Variants in GTF2H5 observed in about 807,000 individuals in gnomAD.
GTF2H5 encodes the protein TFB5 ortholog.
Under a neutral mutation model 7.1 loss-of-function variants are expected in GTF2H5, and 5 were observed. The ratio of observed to expected loss-of-function variants is 0.71; its 90% CI spans 0.37 to 1.49. The LOEUF is 1.49. Among genes scored for constraint, GTF2H5 ranks in the 40% most tolerant of loss-of-function variants. GTF2H5 has a pLI of 0.03. For synonymous variants in GTF2H5, 30 were observed against 31.7 expected, an observed-to-expected ratio of 0.95 and a Z score of 0.18; for missense variants, 80 against 83.0, an observed-to-expected ratio of 0.96 and a Z score of 0.14.
intron 2 of GTF2H5, among the ~76,000 whole-genome samples, chr6:158,176,800 T>C (rs1785940774): frequency 6.7e-6 from 1 of 149,864 alleles, no homozygotes; most frequent in South Asian, 2.1e-4. Flanking sequence ...GCATTGTTTC[T>C]ATAGATTATA....
In GTF2H5 at chr6:158,169,451, TATTA is replaced by T. The variant is rs1364544826; in HGVS notation, c.-34-1018_-34-1015del. On this transcript the variant is annotated intron_variant, in intron 1 of 2. Coordinates refer to ENST00000607778, the MANE Select transcript of GTF2H5 (RefSeq NM_207118.3). ...TATATTGTATATTATATATATTATA[TATTA>T]TATATATTATATTGTATATTATATA... 2.0e-3 allele frequency among the ~76,000 whole-genome samples: 141 copies of T among 71,012 alleles called. 5 individuals carry two copies. The highest frequency in any genetic ancestry group is 4.1e-3 in the African/African-American group (61 of 14,832). The allele number at this position is 71,012 out of a possible 152,430, so 46.6% of individuals were successfully genotyped here. A position where few individuals can be genotyped will look rare whatever the true frequency, so the allele number is the denominator to read the frequency against.
intron 2 of GTF2H5, among the ~76,000 whole-genome samples, chr6:158,178,333 A>G (rs1785960504): frequency 6.6e-6 from 1 of 151,908 alleles, no homozygotes; most frequent in African/African-American, 2.4e-5. Context: ...AAAATTAGCC[A>G]GGCATGGTGG....
intron 2 of GTF2H5, among the ~76,000 whole-genome samples, chr6:158,191,263 GTTAA>G (rs1777021170): frequency 6.6e-6 from 1 of 152,140 alleles, no homozygotes; most frequent in Non-Finnish European, 1.5e-5. Context: ...GGTTTTGTAA[GTTAA>G]TTTGTCACTG....
At chr6:158,179,163 T>A (rs1450268495) in intron 2 of GTF2H5, among the ~76,000 whole-genome samples, 1 of 152,154 alleles carries the variant, frequency 6.6e-6, no homozygotes, top group Non-Finnish European at 1.5e-5. Context: ...GGTAGATGTG[T>A]GGTGTTATTT....
chr6:158,175,483 G>A (rs921230574), intron 2 of GTF2H5, among the ~76,000 whole-genome samples: 28 of 152,304 alleles, frequency 1.8e-4, no homozygotes, highest in African/African-American at 6.3e-4. Context: ...TTAGGAAATC[G>A]CTGGGTGCAG....
intron 2 of GTF2H5, among the ~76,000 whole-genome samples, chr6:158,181,141 T>C (rs374449505): frequency 4.6e-5 from 7 of 152,200 alleles, no homozygotes; most frequent in Non-Finnish European, 8.8e-5. Flanking sequence ...CCAGTAGTCA[T>C]TCAGGAGCAG....
chr6:158,177,524 T>C (rs1314403858), intron 2 of GTF2H5, among the ~76,000 whole-genome samples: 5 of 152,212 alleles, frequency 3.3e-5, no homozygotes, highest in Non-Finnish European at 7.3e-5. Context: ...GTATGCAGGC[T>C]GCGCTGGGTA....
intron 2 of GTF2H5, among the ~76,000 whole-genome samples, chr6:158,184,966 G>C (rs1163324858): frequency 6.6e-6 from 1 of 151,916 alleles, no homozygotes; most frequent in African/African-American, 2.4e-5. Context: ...GGGCAAAGTT[G>C]TTTCTTTTCT....
intron 2 of GTF2H5, chr6:158,190,603 A>T: frequency 2.2e-6 from 1 of 456,018 alleles, no homozygotes; most frequent in Non-Finnish European, 4.3e-6. Flanking sequence ...ATCAGTTCTG[A>T]GGCTCATACT....
chr6:158,175,057 C>T (rs1785916127), intron 2 of GTF2H5, among the ~76,000 whole-genome samples: 1 of 94,030 alleles, frequency 1.1e-5, no homozygotes. Context: ...TACACACACA[C>T]ACACATACAC....
chr6:158,185,491 G>A (rs1038950373), intron 2 of GTF2H5, among the ~76,000 whole-genome samples: 2 of 150,798 alleles, frequency 1.3e-5, no homozygotes, highest in East Asian at 1.9e-4. Flanking sequence ...CAGTGAATTG[G>A]GATTGTGCCA....
intron 2 of GTF2H5, among the ~76,000 whole-genome samples, chr6:158,173,616 A>C (rs934854117): frequency 1.3e-5 from 2 of 152,182 alleles, no homozygotes; most frequent in East Asian, 3.8e-4. Context: ...CAGGCAGACC[A>C]CTCAAGGATC....
Position 158,193,090 on chromosome 6 carries a change from A to G in GTF2H5, c.*933A>G, listed in dbSNP as rs886191412. Reference sequence around the variant, plus strand: ...AGTGGCTCACACCTGTAATCCCAGCACTTTGGGAGGCTGAGGCAGGCAGAT... The same window carrying G: ...AGTGGCTCACACCTGTAATCCCAGCGCTTTGGGAGGCTGAGGCAGGCAGAT... On this transcript the variant is annotated 3_prime_UTR_variant, in exon 3 of 3. Transcript: ENST00000607778. 2 of 151,454 alleles carry G rather than the reference A, an allele frequency of 1.3e-5. No homozygotes were observed. Among genetic ancestry groups the G allele is most frequent in the African/African-American group, 2.4e-5 (1 of 41,080 alleles). 9.4% of individuals were successfully genotyped at this position (151,454 alleles called of 1,614,324 possible).
At chr6:158,190,150 G>T (rs2128431883) in intron 2 of GTF2H5, among the ~76,000 whole-genome samples, 1 of 151,758 alleles carries the variant, frequency 6.6e-6, no homozygotes, top group East Asian at 1.9e-4. Context: ...CAGTCCTCCA[G>T]CCTAGGCCTC....
chr6:158,169,772 A>ATATTGTATATTATATATT (rs1187068824), intron 1 of GTF2H5, among the ~76,000 whole-genome samples: 1 of 53,954 alleles, frequency 1.9e-5, no homozygotes, highest in South Asian at 4.9e-4. Context: ...TATTATATAT[A>ATATTGTATATTATATATT]ATATATTGTA....
At chr6:158,185,172 G>C (rs1776896517) in intron 2 of GTF2H5, among the ~76,000 whole-genome samples, 1 of 148,648 alleles carries the variant, frequency 6.7e-6, no homozygotes, top group Admixed American at 6.7e-5. Context: ...AATAATTAAA[G>C]AGTCTTTTTA....
At chr6:158,191,897 A>G (rs1315433584) in intron 2 of GTF2H5, 80 bp from the exon 3 acceptor site, 18 of 1,091,588 alleles carry the variant, frequency 1.6e-5, no homozygotes, top group South Asian at 7.6e-5. Context: ...AAAATTCTAC[A>G]TGTTCACATT....
chr6:158,196,629 AAC>A lies in GTF2H5; in HGVS notation c.*4474_*4475del, dbSNP rs1777118245. 1 of 152,254 alleles carries A rather than the reference AAC, an allele frequency of 6.6e-6. No individual in the cohort carries two copies. Among genetic ancestry groups the A allele is most frequent in the Admixed American group, 6.5e-5 (1 of 15,288 alleles). 9.4% of individuals were successfully genotyped at this position (152,254 alleles called of 1,614,324 possible). On this transcript the variant is annotated 3_prime_UTR_variant, in exon 3 of 3. Transcript: ENST00000607778. The stretch of plus-strand genomic sequence containing the variant: ...TCAGTTTAAATAGAGCCCCTGTCAG[AAC>A]AATATGAATTCTGCTAAAACTGAAG...
At chr6:158,184,671 C>T (rs1396031461) in intron 2 of GTF2H5, among the ~76,000 whole-genome samples, 1 of 152,090 alleles carries the variant, frequency 6.6e-6, no homozygotes. Context: ...ACAGTCTACT[C>T]CCAGGATATA....
Sources: allele counts gnomAD v4.1 joint callset (sites outside exome capture counted in the v4.1 genomes callset), GRCh38; gene constraint gnomAD v4.1.1; transcripts MANE v1.5; gene names NCBI Gene and HGNC (gene_info 2026-07-23, HGNC 2026-07-21).